The following TCP11L2 variants were observed in gnomAD, a reference collection of about 807,000 sequenced individuals.
TCP11L2 encodes the protein t-complex 11 like 2, also known as T-complex protein 11-like protein 2.
Under a neutral mutation model 50.7 loss-of-function variants are expected in TCP11L2, and 39 were observed. The ratio of observed to expected loss-of-function variants is 0.77; its 90% CI spans 0.60 to 1.01. The LOEUF is 1.01. Among genes scored for constraint, TCP11L2 ranks in the 50% least tolerant of loss-of-function variants. The pLI is 0.00. For missense variants in TCP11L2, 612 were observed against 614.7 expected (o/e 1.00, Z 0.05); for synonymous variants, 192 against 219.3 (o/e 0.88, Z 1.10).
At chr12:106,331,706 A>G (rs974525318) in intron 6 of TCP11L2, among the ~76,000 whole-genome samples, 1 of 152,230 alleles carries the variant, frequency 6.6e-6, no homozygotes, top group African/African-American at 2.4e-5. Flanking sequence ...ACATACAGCT[A>G]ATGAGTGGTA....
At position 106,311,315 on chromosome 12, in the gene TCP11L2, A is replaced by G; in HGVS notation, c.157+83A>G. ...GGATTTGAAAACTCAGAAACGCCTG[A>G]GAGCAACAGACTTCCCCTCCTTTCT... On this transcript the variant is annotated intron_variant, in intron 2 of 9. Coordinates refer to ENST00000299045, the MANE Select transcript of TCP11L2 (RefSeq NM_152772.3). The G allele has an allele frequency of 3.4e-6, 5 of 1,482,924 alleles. No homozygotes were observed. The South Asian group carries it at 5.1e-5, about 15-fold the overall frequency. 91.9% of individuals were successfully genotyped at this position (1,482,924 alleles called of 1,614,324 possible). A position where few individuals can be genotyped will look rare whatever the true frequency, so the allele number is the denominator to read the frequency against.
chr12:106,319,037 G>C (rs890138842), intron 4 of TCP11L2, among the ~76,000 whole-genome samples: 2 of 151,946 alleles, frequency 1.3e-5, no homozygotes, highest in Non-Finnish European at 2.9e-5. Context: ...TCAGCCTCCC[G>C]AGTAGCTGGG....
intron 8 of TCP11L2, among the ~76,000 whole-genome samples, chr12:106,338,930 C>G (rs1360147122): frequency 1.3e-5 from 2 of 152,208 alleles, no homozygotes; most frequent in Admixed American, 1.3e-4. Context: ...CACTTGAGGT[C>G]AGGAGTTCAA....
chr12:106,336,441 A>AT (rs2136801510), intron 8 of TCP11L2, among the ~76,000 whole-genome samples: 1 of 151,936 alleles, frequency 6.6e-6, no homozygotes, highest in East Asian at 1.9e-4. Flanking sequence ...TGAGTGTAGT[A>AT]TTTCCACTTA....
At chr12:106,308,964 A>G (rs2034740800) in intron 1 of TCP11L2, among the ~76,000 whole-genome samples, 1 of 152,250 alleles carries the variant, frequency 6.6e-6, no homozygotes, top group African/African-American at 2.4e-5. Context: ...AGAAAGGAAC[A>G]AGGAACTAAT....
At chr12:106,312,993 G>T (rs1565840299) in intron 2 of TCP11L2, among the ~76,000 whole-genome samples, 1 of 152,170 alleles carries the variant, frequency 6.6e-6, no homozygotes, top group Non-Finnish European at 1.5e-5. Context: ...TAAAAGACAT[G>T]ATTTATTAGA....
intron 6 of TCP11L2, among the ~76,000 whole-genome samples, chr12:106,333,305 C>T (rs770154508): frequency 6.6e-6 from 1 of 152,056 alleles, no homozygotes; most frequent in African/African-American, 2.4e-5. Flanking sequence ...AAAGCTATTT[C>T]AAAATTTAAA....
In TCP11L2 at chr12:106,314,257, G is replaced by A. The variant is rs922162119; in HGVS notation, c.158-101G>A. 4.0e-6 allele frequency: 5 copies of A among 1,259,726 alleles called. No individual in the cohort carries two copies. In the African/African-American group the frequency reaches 7.4e-5, roughly 19 times the overall value. The allele number at this position is 1,259,726 out of a possible 1,614,324, so 78.0% of individuals were successfully genotyped here. A position where few individuals can be genotyped will look rare whatever the true frequency, so the allele number is the denominator to read the frequency against. ...GTCTCCTGACCTATAAAACTCTGAA[G>A]TATATACATTCTGATAAATTAAACC... is the stretch of plus-strand genomic sequence containing the variant. On this transcript the variant is annotated intron_variant, in intron 2 of 9. Transcript: ENST00000299045.
At position 106,309,796 on chromosome 12, in the gene TCP11L2, A is replaced by C. The variant is rs199815096; in HGVS notation, c.-35-1245A>C. On this transcript the variant is annotated intron_variant, in intron 1 of 9. Transcript: ENST00000299045. ...TGTTTGGTTACTTTCCCCGGTGCTC[A>C]GTGCTCAAGTAGGCACTTGTTGAAT... Among the ~76,000 whole-genome samples, 3 of 152,020 alleles carry C rather than the reference A, an allele frequency of 2.0e-5. No individual in the cohort carries two copies. The East Asian group carries it at 5.8e-4, about 29-fold the overall frequency.
intron 6 of TCP11L2, chr12:106,325,529 C>G (rs146517919): frequency 1.3e-5 from 2 of 152,208 alleles, no homozygotes; most frequent in Non-Finnish European, 2.9e-5. Flanking sequence ...CCAACTTGAC[C>G]ATTGGATTTG....
At chr12:106,326,267 T>C (rs1280617333) in intron 6 of TCP11L2, among the ~76,000 whole-genome samples, 2 of 152,078 alleles carry the variant, frequency 1.3e-5, no homozygotes, top group East Asian at 3.9e-4. Context: ...GAGAGCACAT[T>C]GATCATGGAG....
chr12:106,311,322 C>T, intron 2 of TCP11L2, 90 bp downstream of exon 2: 2 of 1,418,902 alleles, frequency 1.4e-6, no homozygotes, highest in African/African-American at 2.8e-5. Context: ...CTGAGAGCAA[C>T]AGACTTCCCC....
At chr12:106,334,612 G>C (rs894178758) in intron 6 of TCP11L2, among the ~76,000 whole-genome samples, 2 of 152,004 alleles carry the variant, frequency 1.3e-5, no homozygotes, top group Non-Finnish European at 2.9e-5. Flanking sequence ...CAATTTTTCT[G>C]ACATACATAT....
rs762414333 is a variant in TCP11L2 at position 106,335,747 on chromosome 12, G to C, written c.881G>C (p.Ser294Thr). 1 of 1,614,190 alleles carries C rather than the reference G, an allele frequency of 6.2e-7. No individual in the cohort carries two copies. The highest frequency in any genetic ancestry group is 1.7e-5 in the Admixed American group (1 of 60,022). ...TPGAENTSKP[S>T]LSPTLVLNNS... Reference sequence around the variant, plus strand: ...GGGGCCGAAAATACCTCCAAGCCAAGCCTGAGCCCTACTTTGGTGCTAAAT... The same window carrying C: ...GGGGCCGAAAATACCTCCAAGCCAACCCTGAGCCCTACTTTGGTGCTAAAT... The change falls in exon 7 of 10, where the codon AGC (serine) becomes ACC (threonine). Residue 294 changes from serine (S) to threonine (T), a missense_variant. By Grantham distance (58) the Ser-to-Thr change is moderately conservative. Coordinates refer to ENST00000299045, the MANE Select transcript of TCP11L2 (RefSeq NM_152772.3).
At chr12:106,318,213 G>A (rs912688276) in intron 3 of TCP11L2, 131 bp from the exon 4 acceptor site, 4 of 1,062,640 alleles carry the variant, frequency 3.8e-6, no homozygotes, top group Non-Finnish European at 5.2e-6. Context: ...AATATTAAAA[G>A]ATTAATGGAT....
At chr12:106,344,974 G>A (rs2136846459) in intron 9 of TCP11L2, among the ~76,000 whole-genome samples, 1 of 152,246 alleles carries the variant, frequency 6.6e-6, no homozygotes, top group African/African-American at 2.4e-5. Flanking sequence ...TCTTGGCCAT[G>A]TGTGAAGTAC....
At chr12:106,299,935 G>T (rs1350875587), upstream of TCP11L2, among the ~76,000 whole-genome samples, 2 of 152,044 alleles carry the variant, frequency 1.3e-5, no homozygotes, top group Non-Finnish European at 2.9e-5. Context: ...AAGAAAATGA[G>T]TATTTCTATT....
At chr12:106,300,174 T>G (rs2034386728), upstream of TCP11L2, among the ~76,000 whole-genome samples, 2 of 148,968 alleles carry the variant, frequency 1.3e-5, no homozygotes, top group Non-Finnish European at 3.0e-5. Context: ...ATTTTGTTGT[T>G]TTTTTTTTTT....
At chr12:106,312,100 G>T (rs117859912) in intron 2 of TCP11L2, among the ~76,000 whole-genome samples, 79 of 152,272 alleles carry the variant, frequency 5.2e-4, no homozygotes, top group Non-Finnish European at 9.7e-4. Flanking sequence ...ACATATGTGT[G>T]TATATGTGTG....
Sources: gnomAD v4.1 joint callset for allele counts (sites outside exome capture counted in the v4.1 genomes callset) on GRCh38, gnomAD v4.1.1 for gene constraint, MANE v1.5 for transcripts, NCBI Gene and HGNC (gene_info 2026-07-23, HGNC 2026-07-21) for gene names.